The following NEDD4L variants were observed in gnomAD, a reference collection of about 807,000 sequenced individuals.
NEDD4L encodes the protein E3 ubiquitin-protein ligase NEDD4-like.
In NEDD4L, 54 loss-of-function variants were observed where a neutral mutation model predicts 148.9. That is an observed-to-expected ratio of 0.36 (90% CI 0.29 to 0.45). NEDD4L has a LOEUF of 0.45. NEDD4L is among the 20% of genes least tolerant of loss of function. The pLI is 1.00. For synonymous variants in NEDD4L, 433 were observed against 440.7 expected (o/e 0.98, Z 0.22); for missense variants, 856 against 1,233.8 (o/e 0.69, Z 4.59).
At chr18:58,165,956 T>C in intron 2 of NEDD4L, 95 bp downstream of exon 2, 2 of 1,021,796 alleles carry the variant, frequency 2.0e-6, no homozygotes, top group Non-Finnish European at 3.0e-6. Flanking sequence ...GGAGGACTTC[T>C]TAAGACAAAG....
At chr18:58,084,062 A>T (rs1481804747) in intron 1 of NEDD4L, among the ~76,000 whole-genome samples, 2 of 152,222 alleles carry the variant, frequency 1.3e-5, no homozygotes, top group Admixed American at 6.5e-5. Flanking sequence ...GAAAATGCTT[A>T]TAGATTTAAG....
chr18:58,121,973 A>T (rs2029993467), intron 1 of NEDD4L, among the ~76,000 whole-genome samples: 1 of 152,202 alleles, frequency 6.6e-6, no homozygotes, highest in Non-Finnish European at 1.5e-5. Context: ...TGTTTCATTT[A>T]AAAAATAAAC....
chr18:58,301,991 G>A (rs913091782), intron 5 of NEDD4L, among the ~76,000 whole-genome samples: 7 of 152,178 alleles, frequency 4.6e-5, no homozygotes, highest in Admixed American at 4.6e-4. Flanking sequence ...GTGATAGGGG[G>A]ATTCACTAAG....
intron 1 of NEDD4L, among the ~76,000 whole-genome samples, chr18:58,129,070 T>TA (rs1486238950): frequency 2.0e-5 from 3 of 152,100 alleles, no homozygotes; most frequent in Non-Finnish European, 2.9e-5. Context: ...GAGATTAAAA[T>TA]AAAAAAAGCG....
At position 58,330,770 on chromosome 18, in the gene NEDD4L, C is replaced by G. The variant is rs1416521342; in HGVS notation, c.846C>G (p.Ile282Met). Residue 282 changes from isoleucine to methionine, a missense_variant, in exon 11 of 31, where the codon ATC (isoleucine) becomes ATG (methionine). Around this residue, in one of 4 missense-constraint regions of NEDD4L, gnomAD observed 367 missense variants for 422.7 expected, o/e 0.87. Transcript: ENST00000400345. ...AGACCATTTCAGAGGAAGTGAATATCGCTGGAGACTCTCTCGGTCTGGCTC... is the reference window on the plus strand; with the variant it reads ...AGACCATTTCAGAGGAAGTGAATATGGCTGGAGACTCTCTCGGTCTGGCTC... ...PWETISEEVN[I>M]AGDSLGLALP... The G allele has an allele frequency of 1.2e-6, 2 of 1,609,974 alleles. No individual in the cohort carries two copies. The highest frequency in any genetic ancestry group is 1.3e-5 in the African/African-American group (1 of 74,886).
At chr18:58,144,663 C>A (rs1054353303) in intron 1 of NEDD4L, among the ~76,000 whole-genome samples, 99 of 151,536 alleles carry the variant, frequency 6.5e-4, no homozygotes, top group Non-Finnish European at 1.1e-3. Context: ...AAAAAAAAAA[C>A]AAACAAACCT....
chr18:58,077,319 A>G (rs540654392), intron 1 of NEDD4L, among the ~76,000 whole-genome samples: 1 of 151,668 alleles, frequency 6.6e-6, no homozygotes, highest in South Asian at 2.1e-4. Flanking sequence ...GGCATGTACT[A>G]CCATGCCCAG....
intron 27 of NEDD4L, 176 bp downstream of exon 27, chr18:58,387,674 T>C (rs1034612664): frequency 5.6e-6 from 4 of 708,900 alleles, no homozygotes; most frequent in Non-Finnish European, 8.3e-6. Context: ...ATTACATGTC[T>C]CTTATGGGGC....
rs753828052 is a variant in NEDD4L at position 58,096,818 on chromosome 18, G to C, written c.48+52110G>C. Reference sequence around the variant, plus strand: ...TTTTCCCTTACATTGGAAAAACACAGTTCCATCTGTCCTGAAGGCCCATAA... The same window carrying C: ...TTTTCCCTTACATTGGAAAAACACACTTCCATCTGTCCTGAAGGCCCATAA... On this transcript the variant is annotated intron_variant, in intron 1 of 30. Coordinates refer to ENST00000400345, the MANE Select transcript of NEDD4L (RefSeq NM_001144967.3). Among the ~76,000 whole-genome samples, 133 of 152,204 alleles carry C rather than the reference G, an allele frequency of 8.7e-4. 2 individuals carry two copies. Among genetic ancestry groups the C allele is most frequent in the Non-Finnish European group, 2.6e-4 (18 of 68,034 alleles).
chr18:58,329,045 C>T lies in NEDD4L; in HGVS notation c.731C>T (p.Ala244Val), dbSNP rs1426910030. Residue 244 changes from alanine to valine, a missense_variant, in exon 10 of 31, where the codon GCA (alanine) becomes GTA (valine). This residue lies in a region of NEDD4L where 367 missense variants were observed against 422.7 expected (regional missense o/e 0.87). Transcript: ENST00000400345. ...AACATCAGACAGATCAACCAGGAGG[C>T]AGCACACCGGCGCTTCCGCTCCCGC... ...DNNIRQINQE[A>V]AHRRFRSRRH... The T allele has an allele frequency of 2.5e-6, 4 of 1,614,020 alleles. No individual in the cohort carries two copies. In the South Asian group the frequency reaches 4.4e-5, roughly 18 times the overall value.
chr18:58,311,124 T>C (rs939010368), intron 5 of NEDD4L, among the ~76,000 whole-genome samples: 1 of 152,198 alleles, frequency 6.6e-6, no homozygotes, highest in African/African-American at 2.4e-5. Flanking sequence ...CTAATTCTTT[T>C]GATGGCACAC....
In NEDD4L at chr18:58,327,375, G is replaced by A. The variant is rs142101650; in HGVS notation, c.681-1620G>A. 3.3e-5 allele frequency among the ~76,000 whole-genome samples: 5 copies of A among 152,306 alleles called. No individual in the cohort carries two copies. In the South Asian group the frequency reaches 6.2e-4, roughly 19 times the overall value. On this transcript the variant is annotated intron_variant, in intron 9 of 30. Coordinates refer to ENST00000400345, the MANE Select transcript of NEDD4L (RefSeq NM_001144967.3). ...GCCTCCCAAAGTGCTAGGATTACAGGTATGACCCACCACGCCCGGCTGAAA... is the reference window on the plus strand; with the variant it reads ...GCCTCCCAAAGTGCTAGGATTACAGATATGACCCACCACGCCCGGCTGAAA...
At chr18:58,354,979 G>GCTCCAAA (rs2044398753) in intron 18 of NEDD4L, among the ~76,000 whole-genome samples, 1 of 152,228 alleles carries the variant, frequency 6.6e-6, no homozygotes, top group South Asian at 2.1e-4. Flanking sequence ...ACGCAGCATT[G>GCTCCAAA]CTCCAAACAG....
intron 5 of NEDD4L, among the ~76,000 whole-genome samples, chr18:58,301,609 A>C (rs549987504): frequency 6.6e-6 from 1 of 152,206 alleles, no homozygotes; most frequent in South Asian, 2.1e-4. Flanking sequence ...AGACGCTCAG[A>C]GAGGCTAGGG....
chr18:58,311,812 A>G (rs1264249426), intron 5 of NEDD4L, among the ~76,000 whole-genome samples: 2 of 152,228 alleles, frequency 1.3e-5, no homozygotes, highest in Admixed American at 6.5e-5. Flanking sequence ...GTCAGTGCTG[A>G]CAGATTTGAC....
Position 58,123,378 on chromosome 18 carries a change from G to A in NEDD4L, c.49-42410G>A, listed in dbSNP as rs190261487. ...GTTCCCAGCCTTCCCACTTGAAATC[G>A]TCTTGGAAATCCCGGGCTTTGCCAA... On this transcript the variant is annotated intron_variant, in intron 1 of 30. Coordinates refer to ENST00000400345, the MANE Select transcript of NEDD4L (RefSeq NM_001144967.3). Among the ~76,000 whole-genome samples the A allele has an allele frequency of 3.9e-3, 592 of 152,206 alleles. 4 individuals are homozygous for A. Among genetic ancestry groups the A allele is most frequent in the Middle Eastern group, 0.01 (3 of 294 alleles).
At chr18:58,381,286 A>T (rs1449793790) in intron 24 of NEDD4L, among the ~76,000 whole-genome samples, 1 of 152,202 alleles carries the variant, frequency 6.6e-6, no homozygotes, top group Non-Finnish European at 1.5e-5. Flanking sequence ...ACTCAGCAAC[A>T]CTGGCTTATT....
At chr18:58,079,499 CT>C (rs753427637) in intron 1 of NEDD4L, among the ~76,000 whole-genome samples, 3 of 152,214 alleles carry the variant, frequency 2.0e-5, no homozygotes, top group Non-Finnish European at 4.4e-5. Flanking sequence ...GCTATTATCC[CT>C]GGTATACAGA....
chr18:58,130,262 G>A (rs2031861679), intron 1 of NEDD4L, among the ~76,000 whole-genome samples: 2 of 140,034 alleles, frequency 1.4e-5, no homozygotes, highest in Non-Finnish European at 3.0e-5. Context: ...CTGGAGTTTG[G>A]TTGTGATCTA....
Sources: gnomAD v4.1 joint callset for allele counts (sites outside exome capture counted in the v4.1 genomes callset) on GRCh38, gnomAD v4.1.1 for gene constraint, gnomAD v4.1.1 regional missense constraint, MANE v1.5 for transcripts, NCBI Gene and HGNC (gene_info 2026-07-23, HGNC 2026-07-21) for gene names.